Variants in CEP128 observed in about 807,000 individuals in gnomAD.
CEP128 encodes centrosomal protein 128, also known as centrosomal protein 128kDa.
Under a neutral mutation model 156.7 loss-of-function variants are expected in CEP128, and 132 were observed. The ratio of observed to expected loss-of-function variants is 0.84; its 90% CI spans 0.73 to 0.97. The LOEUF (loss-of-function observed/expected upper bound fraction) is 0.97, where lower values mean the gene tolerates loss of function less well. CEP128 is among the 50% of genes least tolerant of loss of function. CEP128 has a pLI of 0.00. For missense variants in CEP128, 1,252 were observed against 1,281.9 expected, an observed-to-expected ratio of 0.98 and a Z score of 0.36; for synonymous variants, 469 against 448.9, an observed-to-expected ratio of 1.04 and a Z score of -0.57.
chr14:80,660,158 C>G (rs904535975), intron 19 of CEP128, among the ~76,000 whole-genome samples: 1 of 152,082 alleles, frequency 6.6e-6, no homozygotes, highest in Non-Finnish European at 1.5e-5. Context: ...CCTTTCTTTA[C>G]CCATATACTC....
At chr14:80,745,333 T>G (rs961042826) in intron 18 of CEP128, among the ~76,000 whole-genome samples, 2 of 152,176 alleles carry the variant, frequency 1.3e-5, no homozygotes, top group African/African-American at 4.8e-5. Context: ...GAACTGTGTG[T>G]CAATTAAACC....
intron 19 of CEP128, among the ~76,000 whole-genome samples, chr14:80,697,512 T>C (rs1896929494): frequency 6.6e-6 from 1 of 152,110 alleles, no homozygotes; most frequent in Admixed American, 6.6e-5. Context: ...TGAAATCACA[T>C]TTGAGAAACC....
intron 5 of CEP128, 82 bp downstream of exon 5, chr14:80,905,873 C>G: frequency 7.3e-7 from 1 of 1,363,300 alleles, no homozygotes; most frequent in Non-Finnish European, 1.0e-6. Context: ...ATGTGTGGGT[C>G]ATATTTCTCC....
At chr14:80,727,063 T>C (rs1218552788) in intron 19 of CEP128, among the ~76,000 whole-genome samples, 1 of 152,190 alleles carries the variant, frequency 6.6e-6, no homozygotes, top group African/African-American at 2.4e-5. Flanking sequence ...AACATGGTTA[T>C]GGAGGCATGG....
chr14:80,582,332 C>A (rs1891626352), intron 19 of CEP128, among the ~76,000 whole-genome samples: 1 of 152,124 alleles, frequency 6.6e-6, no homozygotes, highest in Non-Finnish European at 1.5e-5. Flanking sequence ...CAATGAGATG[C>A]TATTTGAATA....
At chr14:80,575,545 C>T (rs770337504) in intron 20 of CEP128, among the ~76,000 whole-genome samples, 6 of 151,944 alleles carry the variant, frequency 3.9e-5, no homozygotes, top group African/African-American at 1.5e-4. Context: ...TAGAAGGTGG[C>T]GGAAGAGGGA....
intron 12 of CEP128, among the ~76,000 whole-genome samples, chr14:80,835,514 A>G (rs1212712605): frequency 6.6e-6 from 1 of 152,220 alleles, no homozygotes. Flanking sequence ...GCATTTGAGT[A>G]GGAAGCCTCA....
intron 21 of CEP128, among the ~76,000 whole-genome samples, chr14:80,552,423 G>C (rs1462492977): frequency 6.6e-6 from 1 of 152,126 alleles, no homozygotes; most frequent in Non-Finnish European, 1.5e-5. Flanking sequence ...CCAGGGGCAT[G>C]CTACCCTAGT....
rs926219591 is a variant in CEP128 at position 80,784,928 on chromosome 14, C to G, written c.2178G>C (p.Lys726Asn). ...QELMKHFKKE[K>N]SEAENHIRTL... ...TCCTGATATGATTCTCAGCCTCACT[C>G]TTTTCTTTCTTAAAGTGCTTCATAA... Residue 726 changes from lysine to asparagine, a missense_variant, in exon 15 of 25, where the codon AAG becomes AAC. By Grantham distance (94) the Lys-to-Asn change is moderately conservative. Coordinates refer to ENST00000555265, the MANE Select transcript of CEP128 (RefSeq NM_152446.5). The G allele has an allele frequency of 6.2e-7, 1 of 1,613,402 alleles. No homozygotes were observed. Among genetic ancestry groups the G allele is most frequent in the African/African-American group, 1.3e-5 (1 of 74,986 alleles).
intron 2 of CEP128, among the ~76,000 whole-genome samples, chr14:80,927,373 C>G (rs1885208697): frequency 6.6e-6 from 1 of 152,208 alleles, no homozygotes; most frequent in Admixed American, 6.5e-5. Flanking sequence ...ATTTCTCCCC[C>G]TCACTCAGCA....
At chr14:80,599,675 C>G (rs1312627621) in intron 19 of CEP128, among the ~76,000 whole-genome samples, 1 of 151,706 alleles carries the variant, frequency 6.6e-6, no homozygotes, top group African/African-American at 2.4e-5. Flanking sequence ...GAAAAAAAAA[C>G]TTGGTCATAC....
intron 2 of CEP128, among the ~76,000 whole-genome samples, chr14:80,929,305 T>C (rs1276822910): frequency 6.6e-6 from 1 of 152,202 alleles, no homozygotes; most frequent in Non-Finnish European, 1.5e-5. Context: ...TGGAAAATAG[T>C]ATGGAGATTT....
exon 15 of CEP128, chr14:80,478,395 T>C (rs948862474): frequency 1.1e-4 from 17 of 152,170 alleles, no homozygotes; most frequent in Admixed American, 3.9e-4. Flanking sequence ...GGAAATGCTA[T>C]TTAAAACACC....
chr14:80,792,637 T>C (rs1901770178), intron 14 of CEP128, 123 bp downstream of exon 14: 2 of 733,726 alleles, frequency 2.7e-6, no homozygotes, highest in Non-Finnish European at 4.5e-6. Flanking sequence ...GACATAAGGA[T>C]TCGTCTATCA....
intron 19 of CEP128, among the ~76,000 whole-genome samples, chr14:80,717,168 G>T (rs182559277): frequency 1.3e-5 from 2 of 152,264 alleles, no homozygotes; most frequent in East Asian, 3.9e-4. Context: ...AATAGGTATG[G>T]TAGTGCACAC....
intron 19 of CEP128, among the ~76,000 whole-genome samples, chr14:80,738,997 A>T (rs2139574227): frequency 6.6e-6 from 1 of 152,330 alleles, no homozygotes; most frequent in South Asian, 2.1e-4. Context: ...GCAGGTTGCC[A>T]AAAATACTGA....
chr14:80,935,169 G>C (rs1296222311), intron 2 of CEP128, among the ~76,000 whole-genome samples: 1 of 152,068 alleles, frequency 6.6e-6, no homozygotes, highest in East Asian at 1.9e-4. Context: ...TGGTGAGAAA[G>C]CAAAAAACAA....
At chr14:80,691,709 A>C (rs1896725551) in intron 19 of CEP128, among the ~76,000 whole-genome samples, 1 of 152,226 alleles carries the variant, frequency 6.6e-6, no homozygotes, top group South Asian at 2.1e-4. Flanking sequence ...AGTTGAACCA[A>C]ATGAAATTGC....
intron 19 of CEP128, among the ~76,000 whole-genome samples, chr14:80,680,401 C>T (rs1896272068): frequency 6.6e-6 from 1 of 152,164 alleles, no homozygotes. Flanking sequence ...TCCTGGTGAG[C>T]ACGGCCCTCT....
Sources: allele counts gnomAD v4.1 joint callset (sites outside exome capture counted in the v4.1 genomes callset), GRCh38; gene constraint gnomAD v4.1.1; transcripts MANE v1.5; gene names NCBI Gene and HGNC (gene_info 2026-07-23, HGNC 2026-07-21).